The following TTC7A variants were observed in gnomAD, a reference collection of about 807,000 sequenced individuals.
TTC7A encodes the protein tetratricopeptide repeat domain 7A, also known as tetratricopeptide repeat protein 7A.
In TTC7A, 110 loss-of-function variants were observed where a neutral mutation model predicts 103.7. That is an observed-to-expected ratio of 1.06 (90% CI 0.91 to 1.24). The LOEUF (loss-of-function observed/expected upper bound fraction) is 1.24. Among genes scored for constraint, TTC7A ranks in the 50% most tolerant of loss-of-function variants. TTC7A has a pLI of 0.00. For synonymous variants in TTC7A, 521 were observed against 467.9 expected (o/e 1.11, Z -1.47); for missense variants, 1,340 against 1,116.3 (o/e 1.20, Z -2.86).
In TTC7A at chr2:47,024,559, T is replaced by C. The variant is rs13400315; in HGVS notation, c.1641+200T>C. ...TCAGGTAATGTGGGTAAAGCCGTGG[T>C]GGGTACACAGGAAGGGCGTGTTCTC... On this transcript the variant is annotated intron_variant, in intron 14 of 19. Transcript: ENST00000319190. 0.19 allele frequency among the ~76,000 whole-genome samples: 28,690 copies of C among 151,958 alleles called. 3,040 individuals are homozygous for C. Among genetic ancestry groups the C allele is most frequent in the African/African-American group, 0.3 (12,304 of 41,412 alleles).
chr2:46,994,470 C>G lies in TTC7A; in HGVS notation c.957C>G (p.Phe319Leu). Residue 319 changes from phenylalanine to leucine, a missense_variant, in exon 7 of 20, where the codon TTC becomes TTG. By Grantham distance (22) the Phe-to-Leu change is conservative. Transcript: ENST00000319190. ...TCATGGGCAAGGAGGAGAGTTCTTTCGCCACTCAGGCCCTGCGGAAACCTC... is the reference window on the plus strand; with the variant it reads ...TCATGGGCAAGGAGGAGAGTTCTTTGGCCACTCAGGCCCTGCGGAAACCTC... The part of the protein sequence containing the change: ...PEFMGKEESS[F>L]ATQALRKPHL... 6.2e-7 allele frequency: 1 copy of G among 1,614,080 alleles called. No homozygotes were observed. Among genetic ancestry groups the G allele is most frequent in the Non-Finnish European group, 8.5e-7 (1 of 1,179,988 alleles).
intron 19 of TTC7A, chr2:47,066,054 C>T (rs1022449201): frequency 6.6e-6 from 1 of 152,212 alleles, no homozygotes; most frequent in South Asian, 2.1e-4. Context: ...TCTGCATGAG[C>T]TTTGGCTAAT....
intron 12 of TTC7A, among the ~76,000 whole-genome samples, chr2:47,022,983 A>T (rs995008808): frequency 1.3e-5 from 2 of 152,164 alleles, no homozygotes; most frequent in Non-Finnish European, 2.9e-5. Context: ...GGCTAAGAAC[A>T]CCTGCCCTGC....
chr2:47,060,964 A>G lies in TTC7A; in HGVS notation c.2348A>G (p.His783Arg). 1.9e-6 allele frequency: 3 copies of G among 1,609,798 alleles called. No individual in the cohort carries two copies. In the East Asian group the frequency reaches 6.7e-5, roughly 36 times the overall value. The change falls in exon 19 of 20, where the codon CAT becomes CGT. Residue 783 changes from histidine to arginine, a missense_variant. Coordinates refer to ENST00000319190, the MANE Select transcript of TTC7A (RefSeq NM_020458.4). ...TVNPDGVRIM[H>R]SLGLMLSRLG... Reference sequence around the variant, plus strand: ...AACCCAGATGGCGTGCGCATCATGCATAGCCTGGTGAGTCAGAGCCCCCCG... The same window carrying G: ...AACCCAGATGGCGTGCGCATCATGCGTAGCCTGGTGAGTCAGAGCCCCCCG...
At chr2:47,018,400 T>C (rs1019941102) in intron 11 of TTC7A, among the ~76,000 whole-genome samples, 1 of 151,782 alleles carries the variant, frequency 6.6e-6, no homozygotes, top group African/African-American at 2.4e-5. Context: ...CAGGGCAACA[T>C]GGTGAAACCC....
At chr2:47,071,863 T>G (rs992163608) in intron 19 of TTC7A, among the ~76,000 whole-genome samples, 1 of 152,174 alleles carries the variant, frequency 6.6e-6, no homozygotes, top group African/African-American at 2.4e-5. Context: ...CAGAATCCCA[T>G]GTGGAAGCTC....
intron 15 of TTC7A, among the ~76,000 whole-genome samples, 196 bp from the exon 16 acceptor site, chr2:47,046,119 G>A (rs1682287086): frequency 6.6e-6 from 1 of 152,264 alleles, no homozygotes; most frequent in Non-Finnish European, 1.5e-5. Flanking sequence ...TGCTTTGGCA[G>A]CAAAGATGGG....
intron 2 of TTC7A, among the ~76,000 whole-genome samples, chr2:46,954,249 G>T (rs1671650742): frequency 6.6e-6 from 1 of 151,976 alleles, no homozygotes; most frequent in Admixed American, 6.6e-5. Context: ...GGACAGTGAG[G>T]CACAAAAGGA....
intron 15 of TTC7A, among the ~76,000 whole-genome samples, chr2:47,043,509 C>T (rs540082256): frequency 3.0e-4 from 45 of 152,204 alleles, no homozygotes; most frequent in African/African-American, 8.9e-4. Flanking sequence ...AGTGTACCAG[C>T]GCCCAAGGTC....
chr2:47,058,080 G>C (rs573406167), intron 18 of TTC7A, among the ~76,000 whole-genome samples: 114 of 152,318 alleles, frequency 7.5e-4, no homozygotes, highest in African/African-American at 2.6e-3. Flanking sequence ...AGCGGAGAGG[G>C]AGAGCTGAGG....
chr2:47,046,693 T>C, intron 16 of TTC7A: 1 of 479,160 alleles, frequency 2.1e-6, no homozygotes, highest in South Asian at 2.6e-5. Flanking sequence ...TCTTGAGCAC[T>C]GGAGCTGGGT....
chr2:46,998,671 C>A (rs1676476156), intron 8 of TTC7A, among the ~76,000 whole-genome samples: 1 of 152,188 alleles, frequency 6.6e-6, no homozygotes, highest in African/African-American at 2.4e-5. Context: ...TTCCACAGAG[C>A]CAACCCAGGA....
chr2:47,022,115 ATGCCCATGTG>A (rs1241058869), intron 12 of TTC7A, 136 bp downstream of exon 12: 13 of 621,030 alleles, frequency 2.1e-5, no homozygotes, highest in Non-Finnish European at 3.7e-5. Context: ...TCTGGGAGAG[ATGCCCATGTG>A]TGCACACATA....
At chr2:47,044,798 A>G (rs917617545) in intron 15 of TTC7A, among the ~76,000 whole-genome samples, 4 of 152,244 alleles carry the variant, frequency 2.6e-5, no homozygotes, top group Non-Finnish European at 5.9e-5. Context: ...CACCCTCTTC[A>G]TTCTCTACCA....
At chr2:47,010,351 A>G (rs907529069) in intron 10 of TTC7A, among the ~76,000 whole-genome samples, 29 of 152,356 alleles carry the variant, frequency 1.9e-4, no homozygotes, top group African/African-American at 6.7e-4. Context: ...AAAAATAGGC[A>G]GAGGGCCAGA....
intron 2 of TTC7A, chr2:46,917,287 C>T (rs1393941486): frequency 9.1e-6 from 6 of 661,484 alleles, no homozygotes; most frequent in Admixed American, 2.6e-5. Context: ...GGTGAGCCAC[C>T]GCGCCGGGAC....
At chr2:47,038,818 A>C (rs1384487073) in intron 15 of TTC7A, among the ~76,000 whole-genome samples, 1 of 151,794 alleles carries the variant, frequency 6.6e-6, no homozygotes, top group Non-Finnish European at 1.5e-5. Flanking sequence ...GGATCCTGGG[A>C]ATACCCACAG....
rs1328930788 is a variant in TTC7A, at chr2:47,068,883, A to AAG, written c.2356-4818_2356-4817insGA. The stretch of plus-strand genomic sequence containing the variant: ...TTTTCAAAAAAAAAAAAAAAAAAAA[A>AAG]AAAAGAAAGACTCACCCTACATGGA... On this transcript the variant is annotated intron_variant, in intron 19 of 19. Coordinates refer to ENST00000319190, the MANE Select transcript of TTC7A (RefSeq NM_020458.4). 2.3e-4 allele frequency among the ~76,000 whole-genome samples: 7 copies of AAG among 30,676 alleles called. No homozygotes were observed. In the South Asian group the frequency reaches 4.4e-3, roughly 19 times the overall value. 20.1% of individuals were successfully genotyped at this position (30,676 alleles called of 152,430 possible). A position where few individuals can be genotyped will look rare whatever the true frequency, so the allele number is the denominator to read the frequency against.
intron 3 of TTC7A, among the ~76,000 whole-genome samples, chr2:46,959,925 T>C (rs1177582854): frequency 6.6e-6 from 1 of 152,310 alleles, no homozygotes; most frequent in East Asian, 1.9e-4. Flanking sequence ...AGAGTTATTG[T>C]CCATGTCACA....
Sources: allele counts gnomAD v4.1 joint callset (sites outside exome capture counted in the v4.1 genomes callset), GRCh38; gene constraint gnomAD v4.1.1; transcripts MANE v1.5; gene names NCBI Gene and HGNC (gene_info 2026-07-23, HGNC 2026-07-21).